The following SFMBT1 variants were observed in gnomAD, a reference collection of about 807,000 sequenced individuals.
The protein encoded by SFMBT1 is scm-like with four MBT domains protein 1.
A neutral mutation model predicts 108.7 loss-of-function variants in SFMBT1; 32 were observed. That is an observed-to-expected ratio of 0.29 (90% CI 0.22 to 0.40). The LOEUF (loss-of-function observed/expected upper bound fraction) is 0.40. Ranked by LOEUF, SFMBT1 falls within the 10% of genes least tolerant of loss-of-function variation. SFMBT1 has a pLI of 1.00. For missense variants in SFMBT1, 816 were observed against 1,059.6 expected (o/e 0.77, Z 3.19); for synonymous variants, 348 against 369.5 (o/e 0.94, Z 0.67).
chr3:52,946,411 C>T (rs763442341), intron 3 of SFMBT1, among the ~76,000 whole-genome samples: 13 of 152,236 alleles, frequency 8.5e-5, no homozygotes, highest in Non-Finnish European at 1.5e-4. Flanking sequence ...ACTATGTTTC[C>T]ACACTATGTT....
chr3:52,960,670 C>A (rs1323253532), intron 2 of SFMBT1, among the ~76,000 whole-genome samples: 1 of 151,836 alleles, frequency 6.6e-6, no homozygotes, highest in Non-Finnish European at 1.5e-5. Flanking sequence ...TGTATATACC[C>A]AAAAAGAATT....
intron 1 of SFMBT1, among the ~76,000 whole-genome samples, chr3:53,045,455 C>A (rs1247759551): frequency 6.9e-6 from 1 of 144,056 alleles, no homozygotes; most frequent in Admixed American, 6.9e-5. Flanking sequence ...CGGCCACTTT[C>A]CTTTCACGCC....
chr3:52,999,552 G>A (rs1364421973), intron 1 of SFMBT1, among the ~76,000 whole-genome samples: 1 of 150,364 alleles, frequency 6.7e-6, no homozygotes, highest in East Asian at 2.0e-4. Flanking sequence ...TCAGCTTCCA[G>A]AGGGGAAGCC....
chr3:52,958,043 A>G (rs1703836305), intron 2 of SFMBT1, among the ~76,000 whole-genome samples: 1 of 152,218 alleles, frequency 6.6e-6, no homozygotes, highest in Admixed American at 6.5e-5. Flanking sequence ...ATGGGAGAAC[A>G]TTTCTGTAAT....
chr3:52,976,087 G>A (rs1306764686), intron 1 of SFMBT1, among the ~76,000 whole-genome samples: 3 of 151,494 alleles, frequency 2.0e-5, no homozygotes, highest in Non-Finnish European at 4.4e-5. Flanking sequence ...TGTAAAACAT[G>A]ACACAAGGCA....
At chr3:52,909,224 A>G (rs530041751) in intron 17 of SFMBT1, among the ~76,000 whole-genome samples, 302 of 152,320 alleles carry the variant, frequency 2.0e-3, no homozygotes, top group Non-Finnish European at 3.5e-3. Flanking sequence ...ATAAATTCAG[A>G]CAAAAGGCAC....
In SFMBT1 at chr3:52,919,194, A is replaced by G. The variant is rs571918001; in HGVS notation, c.1373-668T>C. ...ATCTAAACATAAATGTAAGGGTTAA[A>G]ACTATAAAACTCTTAGAGAAAGTTT... On this transcript the variant is annotated intron_variant, in intron 12 of 20. Coordinates refer to ENST00000394752, the MANE Select transcript of SFMBT1 (RefSeq NM_016329.4). 3.3e-5 allele frequency among the ~76,000 whole-genome samples: 5 copies of G among 152,304 alleles called. No homozygotes were observed. In the East Asian group the frequency reaches 9.6e-4, roughly 29 times the overall value.
intron 3 of SFMBT1, among the ~76,000 whole-genome samples, chr3:52,945,151 A>AAAAAAAAAAAAAAAAAAC (rs1208407962): frequency 6.7e-6 from 1 of 148,576 alleles, no homozygotes; most frequent in African/African-American, 2.5e-5. Flanking sequence ...AAAAAAAAAA[A>AAAAAAAAAAAAAAAAAAC]CAAGGACTTC....
intron 1 of SFMBT1, among the ~76,000 whole-genome samples, chr3:52,974,849 A>AAG (rs1704464597): frequency 6.6e-6 from 1 of 150,836 alleles, no homozygotes; most frequent in Admixed American, 6.6e-5. Context: ...AAAAAAAAAA[A>AAG]AAAAAAAATT....
chr3:52,966,363 C>T (rs1262842909), intron 2 of SFMBT1, among the ~76,000 whole-genome samples: 3 of 150,316 alleles, frequency 2.0e-5, no homozygotes, highest in Admixed American at 6.7e-5. Context: ...CGGTGGCTCA[C>T]GCCTGTAATC....
chr3:52,997,024 G>C (rs2564957), intron 1 of SFMBT1, among the ~76,000 whole-genome samples: 45,354 of 148,112 alleles, frequency 0.31, 9,496 homozygotes, highest in East Asian at 0.52. Context: ...AGCCGAGATC[G>C]CACCACTGCA....
chr3:53,029,044 G>A (rs2106954490), intron 1 of SFMBT1, among the ~76,000 whole-genome samples: 1 of 152,110 alleles, frequency 6.6e-6, no homozygotes, highest in East Asian at 1.9e-4. Context: ...ATGGTGGCGG[G>A]CGCCTGTAGT....
Position 52,907,698 on chromosome 3 carries a change from CA to C in SFMBT1, c.1941del (p.Ile647MetfsTer11), listed in dbSNP as rs1293007446. On this transcript the variant is annotated frameshift_variant, in exon 18 of 21. Coordinates refer to ENST00000394752, the MANE Select transcript of SFMBT1 (RefSeq NM_016329.4). LOFTEE classifies it high-confidence loss of function. ...TTACTATGCCCACCAGGTGGCCTCC[CA>C]ATTCTTTTATTTTTCTTCTTTCCGT... ...HYYGKKKNKR[I>X]GRPPGGHSNL... is the part of the protein sequence containing the mutation. 1 of 1,611,426 alleles carries C rather than the reference CA, an allele frequency of 6.2e-7. No individual in the cohort carries two copies.
In SFMBT1 at chr3:53,000,443, A is replaced by C. The variant is rs544840190; in HGVS notation, c.-130-31185T>G. 1.4e-3 allele frequency among the ~76,000 whole-genome samples: 216 copies of C among 150,290 alleles called. 18 individuals are homozygous for C. The highest frequency in any genetic ancestry group is 3.4e-3 in the Middle Eastern group (1 of 292). The stretch of plus-strand genomic sequence containing the variant: ...AGTGTGGTCACTGTATTGTGATCAC[A>C]CAATTACATTAGGAAAATGTCTTAT... On this transcript the variant is annotated intron_variant, in intron 1 of 20. Coordinates refer to ENST00000394752, the MANE Select transcript of SFMBT1 (RefSeq NM_016329.4).
intron 1 of SFMBT1, among the ~76,000 whole-genome samples, chr3:53,022,560 T>C (rs1175462830): frequency 6.6e-6 from 1 of 151,634 alleles, no homozygotes; most frequent in Non-Finnish European, 1.5e-5. Context: ...AGACATACAG[T>C]GGAATATTAT....
intron 2 of SFMBT1, among the ~76,000 whole-genome samples, chr3:52,964,523 G>C (rs997355462): frequency 6.6e-6 from 1 of 152,124 alleles, no homozygotes; most frequent in African/African-American, 2.4e-5. Flanking sequence ...CTAAAAAATA[G>C]AAAATAATTT....
intron 1 of SFMBT1, among the ~76,000 whole-genome samples, chr3:52,975,776 AT>A (rs1704498337): frequency 6.6e-6 from 1 of 152,060 alleles, no homozygotes; most frequent in African/African-American, 2.4e-5. Flanking sequence ...TACTTTTTGT[AT>A]TTTTGGTAGA....
intron 1 of SFMBT1, among the ~76,000 whole-genome samples, chr3:52,988,247 T>C (rs1215291533): frequency 1.3e-5 from 2 of 152,240 alleles, no homozygotes; most frequent in Non-Finnish European, 2.9e-5. Flanking sequence ...TATGTTAGAA[T>C]TTAAAGATGC....
intron 3 of SFMBT1, among the ~76,000 whole-genome samples, chr3:52,944,359 C>G (rs1305193977): frequency 6.6e-6 from 1 of 151,852 alleles, no homozygotes; most frequent in Admixed American, 6.6e-5. Context: ...GACAGACAGG[C>G]AGATAGATGG....
Sources: gnomAD v4.1 joint callset for allele counts (sites outside exome capture counted in the v4.1 genomes callset) on GRCh38, gnomAD v4.1.1 for gene constraint, MANE v1.5 for transcripts, NCBI Gene and HGNC (gene_info 2026-07-23, HGNC 2026-07-21) for gene names.